PDLIM3: variants seen among roughly 807,000 people sequenced by gnomAD.
PDLIM3 encodes the protein PDZ and LIM domain 3, also known as PDZ and LIM domain protein 3.
Under a neutral mutation model 37.3 loss-of-function variants are expected in PDLIM3, and 36 were observed. The ratio of observed to expected loss-of-function variants is 0.97; its 90% confidence interval spans 0.74 to 1.28. The LOEUF is 1.28. Ranked by LOEUF, PDLIM3 falls within the 50% of genes most tolerant of loss-of-function variation. The pLI is 0.00. For missense variants in PDLIM3, 454 were observed against 485.0 expected (o/e 0.94, Z 0.60); for synonymous variants, 174 against 182.4 (o/e 0.95, Z 0.37).
intron 3 of PDLIM3, among the ~76,000 whole-genome samples, chr4:185,518,453 ATATT>A (rs1252489325): frequency 6.6e-6 from 1 of 151,918 alleles, no homozygotes; most frequent in Admixed American, 6.6e-5. Flanking sequence ...ATACACATAT[ATATT>A]TATATATAAT....
chr4:185,519,766 A>G (rs1213733797), intron 3 of PDLIM3, among the ~76,000 whole-genome samples: 1 of 152,210 alleles, frequency 6.6e-6, no homozygotes, highest in Non-Finnish European at 1.5e-5. Context: ...TAAGTAAGTG[A>G]GAAAGTGTAT....
At chr4:185,511,927 T>C (rs1425760196) in intron 4 of PDLIM3, among the ~76,000 whole-genome samples, 1 of 152,130 alleles carries the variant, frequency 6.6e-6, no homozygotes, top group Non-Finnish European at 1.5e-5. Flanking sequence ...AAAAACTACA[T>C]TTGTTTTAAA....
At chr4:185,528,330 A>C (rs2095737775) in intron 1 of PDLIM3, among the ~76,000 whole-genome samples, 1 of 152,230 alleles carries the variant, frequency 6.6e-6, no homozygotes, top group Admixed American at 6.5e-5. Context: ...ATCTAAGTCC[A>C]ATATCTATTG....
rs2095685991 is a variant in PDLIM3 at position 185,500,673 on chromosome 4, A to T, written c.*1621T>A. The T allele has an allele frequency of 6.6e-6, 1 of 152,172 alleles. No homozygotes were observed. Among genetic ancestry groups the T allele is most frequent in the Non-Finnish European group, 1.5e-5 (1 of 68,026 alleles). 9.4% of individuals were successfully genotyped at this position (152,172 alleles called of 1,614,324 possible). ...TGGATACATTCATTTCTTTGATCTC[A>T]AAAGTCTGTTTTATTTTTTTAATAG... is the stretch of plus-strand genomic sequence containing the variant. On this transcript the variant is annotated 3_prime_UTR_variant, in exon 8 of 8. Coordinates refer to ENST00000284767, the MANE Select transcript of PDLIM3 (RefSeq NM_014476.6).
At position 185,501,363 on chromosome 4, in the gene PDLIM3, A is replaced by C. The variant is rs1210313346; in HGVS notation, c.*931T>G. On this transcript the variant is annotated 3_prime_UTR_variant, in exon 8 of 8. Coordinates refer to ENST00000284767, the MANE Select transcript of PDLIM3 (RefSeq NM_014476.6). ...ACCAGCAGCCCCTGCCTTCCTTAGGAAGTCGTCTAAATTGTTTCTTCCTGG... is the reference window on the plus strand; with the variant it reads ...ACCAGCAGCCCCTGCCTTCCTTAGGCAGTCGTCTAAATTGTTTCTTCCTGG... 1 of 152,344 alleles carries C rather than the reference A, an allele frequency of 6.6e-6. No homozygotes were observed. The highest frequency in any genetic ancestry group is 1.9e-4 in the East Asian group (1 of 5,194). 9.4% of individuals were successfully genotyped at this position (152,344 alleles called of 1,614,324 possible).
intron 2 of PDLIM3, among the ~76,000 whole-genome samples, chr4:185,524,783 A>T (rs1171725544): frequency 6.6e-6 from 1 of 152,188 alleles, no homozygotes; most frequent in Admixed American, 6.5e-5. Context: ...TACTGGAACA[A>T]ATTCTTTTAG....
At chr4:185,503,031 T>C (rs1037296708) in intron 7 of PDLIM3, among the ~76,000 whole-genome samples, 1 of 151,934 alleles carries the variant, frequency 6.6e-6, no homozygotes, top group South Asian at 2.1e-4. Context: ...ATCGAGACCA[T>C]CCTGGCTAAC....
intron 1 of PDLIM3, among the ~76,000 whole-genome samples, chr4:185,529,546 C>G (rs1219180091): frequency 6.6e-6 from 1 of 152,178 alleles, no homozygotes; most frequent in Non-Finnish European, 1.5e-5. Flanking sequence ...AGCAAATAGA[C>G]TCCGCGTGCC....
At chr4:185,535,283 C>A in intron 1 of PDLIM3, 59 bp downstream of exon 1, 2 of 1,437,750 alleles carry the variant, frequency 1.4e-6, no homozygotes, top group Non-Finnish European at 9.6e-7. Context: ...TCCACTGCGT[C>A]CCCCCGGACG....
At chr4:185,508,233 C>T in intron 5 of PDLIM3, 66 bp downstream of exon 5, 2 of 1,444,658 alleles carry the variant, frequency 1.4e-6, no homozygotes, top group Non-Finnish European at 1.9e-6. Flanking sequence ...TTAAAAGACA[C>T]CAGTAAAGCT....
chr4:185,528,341 A>G (rs1043794868), intron 1 of PDLIM3, among the ~76,000 whole-genome samples: 1 of 152,232 alleles, frequency 6.6e-6, no homozygotes, highest in African/African-American at 2.4e-5. Flanking sequence ...ATATCTATTG[A>G]TATCTAGAGC....
chr4:185,503,368 C>G (rs551020201), intron 7 of PDLIM3, among the ~76,000 whole-genome samples: 1 of 152,208 alleles, frequency 6.6e-6, no homozygotes, highest in African/African-American at 2.4e-5. Flanking sequence ...CTTCTGGTAA[C>G]GTCAGGCACT....
rs2095701083 is a variant in PDLIM3, at chr4:185,508,273, CCATGGTTCAAAGAGACT to C, written c.662+9_662+25del. 1 of 1,611,012 alleles carries C rather than the reference CCATGGTTCAAAGAGACT, an allele frequency of 6.2e-7. No homozygotes were observed. The highest frequency in any genetic ancestry group is 1.1e-5 in the South Asian group (1 of 90,990). ...TTGCCCACGTGTTTAGTTAATATGCCCATGGTTCAAAGAGACTCATATTACCTCATCAAAGGTGTTTC... is the reference window on the plus strand; with the variant it reads ...TTGCCCACGTGTTTAGTTAATATGCCCATATTACCTCATCAAAGGTGTTTC... On this transcript the variant is annotated intron_variant, in intron 5 of 7. Coordinates refer to ENST00000284767, the MANE Select transcript of PDLIM3 (RefSeq NM_014476.6).
At chr4:185,509,309 G>A (rs2095702955) in intron 4 of PDLIM3, among the ~76,000 whole-genome samples, 2 of 152,158 alleles carry the variant, frequency 1.3e-5, no homozygotes, top group Admixed American at 6.5e-5. Flanking sequence ...TGAAATTAAT[G>A]ATTAGAGGAG....
intron 7 of PDLIM3, among the ~76,000 whole-genome samples, chr4:185,503,091 G>A (rs549297077): frequency 6.6e-6 from 1 of 152,076 alleles, no homozygotes; most frequent in East Asian, 1.9e-4. Flanking sequence ...TTAGCCGGGC[G>A]TGGGCACCTG....
chr4:185,512,797 T>G (rs1220337292), intron 4 of PDLIM3: 5 of 938,416 alleles, frequency 5.3e-6, no homozygotes, highest in Non-Finnish European at 6.3e-6. Context: ...AAATATCATA[T>G]CCTTTTAACT....
intron 4 of PDLIM3, chr4:185,513,463 G>A: frequency 1.1e-6 from 1 of 941,004 alleles, no homozygotes; most frequent in Non-Finnish European, 1.3e-6. Flanking sequence ...TAAGAGTGAT[G>A]TGCATTTTGA....
Position 185,504,700 on chromosome 4 carries a change from C to A in PDLIM3, c.794-114G>T, listed in dbSNP as rs948544034. The A allele has an allele frequency of 1.3e-6, 1 of 783,714 alleles. No homozygotes were observed. Among genetic ancestry groups the A allele is most frequent in the Non-Finnish European group, 2.2e-6 (1 of 455,782 alleles). The allele number at this position is 783,714 out of a possible 1,614,324, so 48.5% of individuals were successfully genotyped here. On this transcript the variant is annotated intron_variant, in intron 6 of 7. Transcript: ENST00000284767. This position sits in a 1 kb window ranked among gnomAD's most constrained non-coding sequence, Gnocchi z 4.7. ...TGAAGTTGCATCTGCACCGTCATTC[C>A]GAGAGGGGCAGGACTGATGCAATCA...
At chr4:185,506,098 A>G (rs2095696528) in intron 6 of PDLIM3, among the ~76,000 whole-genome samples, 2 of 152,036 alleles carry the variant, frequency 1.3e-5, no homozygotes, top group South Asian at 4.1e-4. Context: ...TGAGGATTAC[A>G]TGATACTGTA....
Sources: allele counts gnomAD v4.1 joint callset (sites outside exome capture counted in the v4.1 genomes callset), GRCh38; gene constraint gnomAD v4.1.1; non-coding constraint Gnocchi (gnomAD v3.1); transcripts MANE v1.5; gene names NCBI Gene and HGNC (gene_info 2026-07-23, HGNC 2026-07-21).